The following FGD5 variants were observed in gnomAD, a reference collection of about 807,000 sequenced individuals.
FGD5 encodes FYVE, RhoGEF and PH domain containing 5.
In FGD5, 28 loss-of-function variants were observed where a neutral mutation model predicts 133.4. The ratio of observed to expected loss-of-function variants is 0.21; its 90% CI spans 0.16 to 0.29. The LOEUF (loss-of-function observed/expected upper bound fraction) is 0.29, where lower values mean the gene tolerates loss of function less well. Ranked by LOEUF, FGD5 falls within the 10% of genes least tolerant of loss-of-function variation. FGD5 has a pLI of 1.00. For synonymous variants in FGD5, 810 were observed against 776.5 expected, an observed-to-expected ratio of 1.04 and a Z score of -0.72; for missense variants, 1,858 against 1,895.2, an observed-to-expected ratio of 0.98 and a Z score of 0.36.
intron 1 of FGD5, among the ~76,000 whole-genome samples, chr3:14,833,862 G>C (rs1188439140): frequency 6.6e-6 from 1 of 152,168 alleles, no homozygotes; most frequent in African/African-American, 2.4e-5. Context: ...GCAGCCCCTG[G>C]GTGCTGGTGT....
At chr3:14,872,924 G>C (rs1428429221) in intron 2 of FGD5, among the ~76,000 whole-genome samples, 1 of 152,236 alleles carries the variant, frequency 6.6e-6, no homozygotes, top group East Asian at 1.9e-4. Flanking sequence ...CTTGAGGCCA[G>C]TGCTTGTTTA....
chr3:14,850,248 G>A (rs12108073), intron 1 of FGD5, among the ~76,000 whole-genome samples: 3,073 of 152,258 alleles, frequency 0.02, 93 homozygotes, highest in African/African-American at 0.07. Flanking sequence ...AGCTCATCTT[G>A]CAGATGAGGA....
intron 1 of FGD5, among the ~76,000 whole-genome samples, chr3:14,830,142 GTTA>G (rs1575193127): frequency 6.6e-6 from 1 of 152,160 alleles, no homozygotes; most frequent in Non-Finnish European, 1.5e-5. Context: ...GAGCCTTCCT[GTTA>G]TTATGTTTTT....
intron 1 of FGD5, among the ~76,000 whole-genome samples, chr3:14,840,115 C>T (rs1342582623): frequency 2.0e-5 from 3 of 150,346 alleles, no homozygotes; most frequent in Non-Finnish European, 4.4e-5. Context: ...AACACACACA[C>T]ACATTTACAC....
At chr3:14,902,364 AG>A (rs2038256025) in intron 9 of FGD5, among the ~76,000 whole-genome samples, 1 of 151,518 alleles carries the variant, frequency 6.6e-6, no homozygotes, top group Non-Finnish European at 1.5e-5. Flanking sequence ...GAGAGAGAAA[AG>A]GGGTGATAGG....
intron 2 of FGD5, among the ~76,000 whole-genome samples, chr3:14,874,070 G>A (rs1656435): frequency 0.038 from 5,745 of 151,448 alleles, 208 homozygotes; most frequent in East Asian, 0.15. Flanking sequence ...TAAGGAAAAT[G>A]TGGTCTGTGT....
At chr3:14,921,307 A>T (rs955248371) in intron 13 of FGD5, 2 of 154,050 alleles carry the variant, frequency 1.3e-5, no homozygotes, top group Admixed American at 1.3e-4. Context: ...CTGCACACTT[A>T]CCTGTGGTGT....
intron 18 of FGD5, chr3:14,931,382 T>C (rs1236622992): frequency 6.6e-6 from 1 of 152,216 alleles, no homozygotes; most frequent in Non-Finnish European, 1.5e-5. Flanking sequence ...AGGGATGAGG[T>C]CTCACTATGT....
intron 4 of FGD5, among the ~76,000 whole-genome samples, chr3:14,891,529 C>T (rs752895659): frequency 1.3e-5 from 2 of 152,218 alleles, no homozygotes; most frequent in African/African-American, 2.4e-5. Context: ...CTGACCTTCA[C>T]GTTGGGGCTA....
intron 1 of FGD5, among the ~76,000 whole-genome samples, chr3:14,853,636 CTTTTTTTTTT>C (rs34008934): frequency 7.3e-4 from 27 of 37,128 alleles, no homozygotes; most frequent in African/African-American, 2.0e-3. Context: ...AAAAGCGTTC[CTTTTTTTTTT>C]TTTTTTTTTT....
At position 14,821,588 on chromosome 3, in the gene FGD5, C is replaced by T. The variant is rs375849564; in HGVS notation, c.2517C>T (p.Asp839=). 38 of 1,590,382 alleles carry T rather than the reference C, an allele frequency of 2.4e-5. No individual in the cohort carries two copies. The highest frequency in any genetic ancestry group is 2.8e-5 in the Non-Finnish European group (33 of 1,166,138). Residue 839 remains aspartate (D), a synonymous_variant, in exon 1 of 20, where the codon GAC becomes GAT. Transcript: ENST00000285046. ...GCAAACAGCAGAGTGCAGACCAGGA[C>T]GCAGAAAGGTACCTGACATTCTATT... ...FESKQQSADQ[D]AESAYTEPYK...
intron 9 of FGD5, 107 bp from the exon 10 acceptor site, chr3:14,907,533 G>C: frequency 9.7e-7 from 1 of 1,032,414 alleles, no homozygotes; most frequent in Non-Finnish European, 1.4e-6. Context: ...AGGCCTTTCC[G>C]GGCTTCATTT....
chr3:14,901,726 C>T (rs575450965), intron 9 of FGD5, among the ~76,000 whole-genome samples: 4 of 152,256 alleles, frequency 2.6e-5, no homozygotes, highest in East Asian at 3.9e-4. Context: ...CCATGTGTGC[C>T]GAGGAGGTGC....
intron 1 of FGD5, among the ~76,000 whole-genome samples, chr3:14,846,086 G>A (rs1165592939): frequency 1.3e-5 from 2 of 152,208 alleles, no homozygotes; most frequent in Non-Finnish European, 2.9e-5. Context: ...GAAACTTCAA[G>A]CTTGTTTCAT....
Position 14,880,734 on chromosome 3 carries a change from CT to C in FGD5, c.2718-7del. The C allele has an allele frequency of 1.2e-6, 2 of 1,614,064 alleles. No homozygotes were observed. The highest frequency in any genetic ancestry group is 1.7e-6 in the Non-Finnish European group (2 of 1,179,894). On this transcript the variant is annotated splice_polypyrimidine_tract_variant and splice_region_variant and intron_variant, in intron 3 of 19. Coordinates refer to ENST00000285046, the MANE Select transcript of FGD5 (RefSeq NM_152536.4). ...TTAATGCAGCCTCAACCCTCTTTCC[CT>C]CTGCAGATACGTGGAGATGCTCCAG...
rs753551995 is a variant in FGD5, at chr3:14,820,154, C to T, written c.1083C>T (p.Ser361=). 1.2e-5 allele frequency: 19 copies of T among 1,613,926 alleles called. No homozygotes were observed. In the Admixed American group the frequency reaches 2.3e-4, roughly 20 times the overall value. ...AGAGCACCTCTTTTTGCAGCGAGAGCTGTTCTCCTCTTTCTGAATCAGCGA... is the reference window on the plus strand; with the variant it reads ...AGAGCACCTCTTTTTGCAGCGAGAGTTGTTCTCCTCTTTCTGAATCAGCGA... The part of the protein sequence containing the change: ...PTESTSFCSE[S]CSPLSESAKG... The change falls in exon 1 of 20, where the codon AGC becomes AGT. Residue 361 remains serine, a synonymous_variant. Coordinates refer to ENST00000285046, the MANE Select transcript of FGD5 (RefSeq NM_152536.4).
intron 4 of FGD5, among the ~76,000 whole-genome samples, chr3:14,894,478 G>A (rs1264547268): frequency 2.7e-5 from 4 of 149,104 alleles, no homozygotes; most frequent in African/African-American, 7.4e-5. Context: ...CTACTCAGTA[G>A]TGGAATTGCT....
At chr3:14,849,072 A>G (rs2037108779) in intron 1 of FGD5, among the ~76,000 whole-genome samples, 1 of 152,110 alleles carries the variant, frequency 6.6e-6, no homozygotes, top group Non-Finnish European at 1.5e-5. Context: ...TGACATGACA[A>G]GAGCATGTGT....
chr3:14,860,203 C>T lies in FGD5; in HGVS notation c.2526-3925C>T, dbSNP rs373774085. ...CACATTTTGACACCCCTAGGTATGC[C>T]GTGGCTGTGGCCCACAGGAATGTCT... On this transcript the variant is annotated intron_variant, in intron 1 of 19. Coordinates refer to ENST00000285046, the MANE Select transcript of FGD5 (RefSeq NM_152536.4). 6.6e-5 allele frequency among the ~76,000 whole-genome samples: 10 copies of T among 152,300 alleles called. No individual in the cohort carries two copies. The East Asian group carries it at 1.2e-3, about 18-fold the overall frequency.
Sources: allele counts gnomAD v4.1 joint callset (sites outside exome capture counted in the v4.1 genomes callset), GRCh38; gene constraint gnomAD v4.1.1; transcripts MANE v1.5; gene names NCBI Gene and HGNC (gene_info 2026-07-23, HGNC 2026-07-21).